Variants in UBE2H observed in about 807,000 individuals in gnomAD.
UBE2H encodes ubiquitin-conjugating enzyme E2 H.
UBE2H carries 3 observed loss-of-function variants against 29.0 expected under a neutral mutation model. That is an observed-to-expected ratio of 0.10 (90% CI 0.05 to 0.27). The LOEUF (loss-of-function observed/expected upper bound fraction) is 0.27. UBE2H is among the 10% of genes least tolerant of loss of function. The pLI is 1.00. For synonymous variants in UBE2H, 69 were observed against 82.9 expected (o/e 0.83, Z 0.91); for missense variants, 68 against 228.2 (o/e 0.30, Z 4.52).
chr7:129,914,846 C>A (rs77838874), intron 1 of UBE2H, among the ~76,000 whole-genome samples: 9,482 of 152,208 alleles, frequency 0.062, 367 homozygotes, highest in Non-Finnish European at 0.091. Context: ...GAGATAGGGG[C>A]CTAAGGTTTC....
At chr7:129,944,189 T>C (rs940109285) in intron 1 of UBE2H, among the ~76,000 whole-genome samples, 6 of 151,802 alleles carry the variant, frequency 4.0e-5, no homozygotes, top group African/African-American at 7.3e-5. Flanking sequence ...ACCCTGTCGC[T>C]ACTAAAAATA....
intron 1 of UBE2H, among the ~76,000 whole-genome samples, chr7:129,904,278 GGT>G (rs1302217108): frequency 1.3e-5 from 2 of 151,578 alleles, no homozygotes; most frequent in African/African-American, 4.8e-5. Flanking sequence ...TATCCTTTAA[GGT>G]GTGTCTTTTT....
At chr7:129,851,965 CAA>C (rs1805618232) in intron 5 of UBE2H, among the ~76,000 whole-genome samples, 1 of 152,128 alleles carries the variant, frequency 6.6e-6, no homozygotes, top group South Asian at 2.1e-4. Context: ...GACATTATCC[CAA>C]TAGTACTGGA....
At chr7:129,921,287 C>T (rs1807156502) in intron 1 of UBE2H, among the ~76,000 whole-genome samples, 1 of 152,170 alleles carries the variant, frequency 6.6e-6, no homozygotes, top group Non-Finnish European at 1.5e-5. Context: ...GGGTCTCACT[C>T]TGTCACCTAG....
At chr7:129,885,119 T>C (rs1361892104) in intron 1 of UBE2H, among the ~76,000 whole-genome samples, 1 of 151,724 alleles carries the variant, frequency 6.6e-6, no homozygotes, top group Admixed American at 6.6e-5. Context: ...TAATAGTGTG[T>C]ACTGGTGTCC....
chr7:129,843,101 C>T (rs1339850701), intron 5 of UBE2H, among the ~76,000 whole-genome samples: 2 of 150,326 alleles, frequency 1.3e-5, no homozygotes, highest in Admixed American at 6.6e-5. Context: ...TGGGTTCACG[C>T]CATTCTCCTG....
chr7:129,906,262 G>A (rs55735840), intron 1 of UBE2H, among the ~76,000 whole-genome samples: 9,428 of 150,488 alleles, frequency 0.063, 362 homozygotes, highest in Non-Finnish European at 0.091. Context: ...CTGGAGTGCA[G>A]TGGCGCCACC....
intron 1 of UBE2H, among the ~76,000 whole-genome samples, chr7:129,940,182 T>C (rs192387765): frequency 1.3e-5 from 2 of 151,946 alleles, no homozygotes; most frequent in East Asian, 3.8e-4. Context: ...AAAGTGTACA[T>C]GATAACTTGA....
intron 1 of UBE2H, among the ~76,000 whole-genome samples, chr7:129,944,702 C>T (rs939471352): frequency 1.9e-4 from 28 of 149,174 alleles, no homozygotes; most frequent in Admixed American, 1.6e-3. Flanking sequence ...CACACACGTG[C>T]GCATGCGCTC....
At chr7:129,872,017 T>TTA (rs892270734) in intron 3 of UBE2H, among the ~76,000 whole-genome samples, 7 of 151,962 alleles carry the variant, frequency 4.6e-5, no homozygotes, top group Admixed American at 2.6e-4. Context: ...CGGCTACTTT[T>TTA]TATATATATA....
At chr7:129,866,518 TGGTCAGAGACAATACA>T (rs1805907251) in intron 3 of UBE2H, among the ~76,000 whole-genome samples, 1 of 152,212 alleles carries the variant, frequency 6.6e-6, no homozygotes, top group Admixed American at 6.5e-5. Context: ...CTTATTTTCA[TGGTCAGAGACAATACA>T]GTACAGAATA....
chr7:129,877,278 C>G (rs1053395896), intron 3 of UBE2H, among the ~76,000 whole-genome samples: 1 of 152,120 alleles, frequency 6.6e-6, no homozygotes, highest in African/African-American at 2.4e-5. Context: ...GAACACTACA[C>G]CTACCCAGAT....
intron 5 of UBE2H, among the ~76,000 whole-genome samples, chr7:129,848,471 T>C (rs1400561328): frequency 3.3e-5 from 5 of 152,188 alleles, no homozygotes; most frequent in African/African-American, 1.2e-4. Flanking sequence ...GAAAGAAAAA[T>C]CCTGTTCACA....
intron 1 of UBE2H, among the ~76,000 whole-genome samples, chr7:129,885,071 A>G (rs545282683): frequency 6.6e-6 from 1 of 151,980 alleles, no homozygotes; most frequent in East Asian, 1.9e-4. Context: ...TTAAAAAAAA[A>G]AAAAGGCAAA....
At chr7:129,872,009 G>A (rs1456682998) in intron 3 of UBE2H, among the ~76,000 whole-genome samples, 1 of 152,020 alleles carries the variant, frequency 6.6e-6, no homozygotes, top group African/African-American at 2.4e-5. Context: ...ACCATGCCCG[G>A]CTACTTTTTA....
intron 1 of UBE2H, among the ~76,000 whole-genome samples, chr7:129,915,951 C>T (rs537529006): frequency 6.6e-6 from 1 of 152,284 alleles, no homozygotes; most frequent in African/African-American, 2.4e-5. Flanking sequence ...AATTCCTTGA[C>T]CTCTATCTGC....
At chr7:129,910,327 T>C (rs1318159053) in intron 1 of UBE2H, among the ~76,000 whole-genome samples, 1 of 143,190 alleles carries the variant, frequency 7.0e-6, no homozygotes, top group Non-Finnish European at 1.5e-5. Flanking sequence ...AGACTCTATC[T>C]CAAAAAAAAA....
chr7:129,949,495 GCA>G (rs1217280916), intron 1 of UBE2H, among the ~76,000 whole-genome samples: 10 of 152,140 alleles, frequency 6.6e-5, no homozygotes. Context: ...GGGGAGGTTT[GCA>G]CAACCCTTAG....
intron 5 of UBE2H, among the ~76,000 whole-genome samples, chr7:129,845,770 G>C (rs1233909380): frequency 6.6e-6 from 1 of 152,212 alleles, no homozygotes; most frequent in African/African-American, 2.4e-5. Flanking sequence ...TCTAATCTCA[G>C]GCTTTCCACT....
Sources: gnomAD v4.1 joint callset for allele counts (sites outside exome capture counted in the v4.1 genomes callset) on GRCh38, gnomAD v4.1.1 for gene constraint, MANE v1.5 for transcripts, NCBI Gene and HGNC (gene_info 2026-07-23, HGNC 2026-07-21) for gene names.